The following ERMP1 variants were observed in gnomAD, a reference collection of about 807,000 sequenced individuals.
The protein encoded by ERMP1 is Felix-ina.
Under a neutral mutation model 92.0 loss-of-function variants are expected in ERMP1, and 86 were observed. The observed-to-expected ratio is 0.93, with a 90% CI of 0.79 to 1.12. The LOEUF (loss-of-function observed/expected upper bound fraction) is 1.12, where lower values mean the gene tolerates loss of function less well. ERMP1 is among the 50% of genes most tolerant of loss of function. ERMP1 has a pLI of 0.00. For synonymous variants in ERMP1, 530 were observed against 412.8 expected (o/e 1.28, Z -3.44); for missense variants, 1,342 against 1,116.3 (o/e 1.20, Z -2.88).
At chr9:5,842,069 G>C (rs939736322) in intron 6 of ERMP1, among the ~76,000 whole-genome samples, 1 of 152,168 alleles carries the variant, frequency 6.6e-6, no homozygotes, top group African/African-American at 2.4e-5. Flanking sequence ...AGGTAGTGCG[G>C]ACCCAAAGAG....
At chr9:5,789,198 C>G (rs1346244188) in intron 13 of ERMP1, among the ~76,000 whole-genome samples, 1 of 151,660 alleles carries the variant, frequency 6.6e-6, no homozygotes, top group African/African-American at 2.4e-5. Context: ...TAACACAGAA[C>G]AAACAACTTC....
In ERMP1 at chr9:5,811,175, G is replaced by A. The variant is rs1414778202; in HGVS notation, c.1263C>T (p.Asn421=). 1.2e-6 allele frequency: 2 copies of A among 1,614,020 alleles called. No homozygotes were observed. The highest frequency in any genetic ancestry group is 1.3e-5 in the African/African-American group (1 of 75,006). Residue 421 remains asparagine, a synonymous_variant, in exon 7 of 15, where the codon AAC becomes AAT. Coordinates refer to ENST00000339450, the MANE Select transcript of ERMP1 (RefSeq NM_024896.3). ...AAACAACACCCATTACCACCATGTAGTTTATGATTGAGCCAATACGAGAGG... is the reference window on the plus strand; with the variant it reads ...AAACAACACCCATTACCACCATGTAATTTATGATTGAGCCAATACGAGAGG... The part of the protein sequence containing the change: ...AYPSRIGSII[N]YMVVMGVVLY...
chr9:5,818,639 C>A (rs774786209), intron 4 of ERMP1, among the ~76,000 whole-genome samples: 3 of 151,530 alleles, frequency 2.0e-5, no homozygotes, highest in Non-Finnish European at 2.9e-5. Flanking sequence ...CACTTGAGCC[C>A]AGGAGCTGGA....
intron 6 of ERMP1, among the ~76,000 whole-genome samples, chr9:5,845,902 T>C (rs1260863371): frequency 6.6e-6 from 1 of 152,208 alleles, no homozygotes; most frequent in Admixed American, 6.5e-5. Context: ...GTAACTGTTG[T>C]TCAGGCCCTC....
At chr9:5,794,295 TAGA>T (rs1828323179) in intron 13 of ERMP1, among the ~76,000 whole-genome samples, 1 of 152,078 alleles carries the variant, frequency 6.6e-6, no homozygotes, top group Non-Finnish European at 1.5e-5. Context: ...AAGCAGTGCT[TAGA>T]AGGAAACTTA....
chr9:5,821,697 G>C (rs1347838071), intron 4 of ERMP1, among the ~76,000 whole-genome samples: 1 of 152,172 alleles, frequency 6.6e-6, no homozygotes, highest in Non-Finnish European at 1.5e-5. Context: ...TAAACCATAA[G>C]GCTGGTTTTT....
intron 6 of ERMP1, among the ~76,000 whole-genome samples, chr9:5,842,943 A>G (rs936271895): frequency 7.9e-5 from 12 of 152,252 alleles, no homozygotes; most frequent in African/African-American, 2.9e-4. Flanking sequence ...CATGATTCTA[A>G]TATCCTAGCC....
intron 6 of ERMP1, among the ~76,000 whole-genome samples, chr9:5,846,728 C>A (rs1285959788): frequency 2.6e-5 from 4 of 152,160 alleles, no homozygotes; most frequent in Admixed American, 6.5e-5. Flanking sequence ...ACTTTGCTAT[C>A]CCTGTGGTTC....
Position 5,785,936 on chromosome 9 carries a change from G to C in ERMP1, c.*1208C>G, listed in dbSNP as rs955617816. 2.6e-5 allele frequency: 4 copies of C among 152,166 alleles called. No individual in the cohort carries two copies. The East Asian group carries it at 7.7e-4, about 29-fold the overall frequency. The allele number at this position is 152,166 out of a possible 1,614,324, so 9.4% of individuals were successfully genotyped here. A position where few individuals can be genotyped will look rare whatever the true frequency, so the allele number is the denominator to read the frequency against. ...TGCTGGAACCAAAAAGCCATGAGAGGTACTGCTGTGATACACCTTACAAGC... is the reference window on the plus strand; with the variant it reads ...TGCTGGAACCAAAAAGCCATGAGAGCTACTGCTGTGATACACCTTACAAGC... On this transcript the variant is annotated 3_prime_UTR_variant, in exon 15 of 15. Transcript: ENST00000339450.
chr9:5,820,679 A>G (rs535019293), intron 4 of ERMP1, among the ~76,000 whole-genome samples: 4 of 152,342 alleles, frequency 2.6e-5, no homozygotes, highest in African/African-American at 9.6e-5. Flanking sequence ...CAGAGCACAA[A>G]CTGTTTAACC....
At chr9:5,825,254 T>A (rs767216425) in intron 2 of ERMP1, 35 bp from the exon 3 acceptor site, 1 of 1,595,058 alleles carries the variant, frequency 6.3e-7, no homozygotes, top group Non-Finnish European at 8.5e-7. Flanking sequence ...CTGCTCAGAT[T>A]TTAAAATGTT....
Position 5,833,097 on chromosome 9 carries a change from G to GACGCCGCCA in ERMP1, c.-71_-70insTGGCGGCGT. The GACGCCGCCA allele has an allele frequency of 7.6e-7, 1 of 1,324,100 alleles. No homozygotes were observed. The highest frequency in any genetic ancestry group is 9.8e-7 in the Non-Finnish European group (1 of 1,022,268). 82.0% of individuals were successfully genotyped at this position (1,324,100 alleles called of 1,614,324 possible). A position where few individuals can be genotyped will look rare whatever the true frequency, so the allele number is the denominator to read the frequency against. ...AGCCCCGGCCGCCGCCGACGCCGCC[G>GACGCCGCCA]TCGCTGCCGCAGCGCCTCCTAGTGA... On this transcript the variant is annotated 5_prime_UTR_variant, in exon 1 of 15. In the 5' UTR this introduces an upstream ATG that the reference lacks. Transcript: ENST00000339450.
At chr9:5,795,782 G>C (rs902400361) in intron 13 of ERMP1, among the ~76,000 whole-genome samples, 2 of 151,102 alleles carry the variant, frequency 1.3e-5, no homozygotes, top group African/African-American at 4.9e-5. Flanking sequence ...TCTCAAAAAA[G>C]AAAAAGAAAA....
rs1393251268 is a variant in ERMP1 at position 5,810,123 on chromosome 9, C to T, written c.1436G>A (p.Gly479Glu). 3 of 1,613,710 alleles carry T rather than the reference C, an allele frequency of 1.9e-6. No individual in the cohort carries two copies. The highest frequency in any genetic ancestry group is 2.7e-5 in the African/African-American group (2 of 74,882). ...LIIAVFISLI[G>E]QSLSWYNHFY... ...GTGGTTATACCATGAGAGAGACTGT[C>T]CAATAAGAGAGATGAACACTGCTAT... is the stretch of plus-strand genomic sequence containing the variant. Residue 479 changes from glycine (G) to glutamate (E), a missense_variant, in exon 8 of 15, where the codon GGA becomes GAA. Gly to Glu is a moderately conservative substitution (Grantham distance 98). Coordinates refer to ENST00000339450, the MANE Select transcript of ERMP1 (RefSeq NM_024896.3).
At chr9:5,852,444 T>C (rs527368161) in intron 6 of ERMP1, among the ~76,000 whole-genome samples, 2 of 152,048 alleles carry the variant, frequency 1.3e-5, no homozygotes, top group South Asian at 2.1e-4. Flanking sequence ...TTTGTAGAGA[T>C]GGTCTTTTGC....
At chr9:5,795,878 T>C (rs920222655) in intron 13 of ERMP1, among the ~76,000 whole-genome samples, 4 of 152,222 alleles carry the variant, frequency 2.6e-5, no homozygotes, top group African/African-American at 9.6e-5. Context: ...TAAGTGATTA[T>C]AGCAAGGCTG....
rs1183701730 is a variant in ERMP1 at position 5,812,955 on chromosome 9, A to C, written c.955T>G (p.Phe319Val). The part of the protein sequence containing the change: ...PFASVVAQEV[F>V]QSGIIPSDTD... ...TCTGAAGGAATGATTCCACTCTGAA[A>C]AACCTCCTGAGCCACCACAGAAGCA... The change falls in exon 5 of 15, where the codon TTT (phenylalanine) becomes GTT (valine). Residue 319 changes from phenylalanine (F) to valine (V), a missense_variant. Phe to Val is a conservative substitution (Grantham distance 50). Coordinates refer to ENST00000339450, the MANE Select transcript of ERMP1 (RefSeq NM_024896.3). 5 of 1,613,970 alleles carry C rather than the reference A, an allele frequency of 3.1e-6. No individual in the cohort carries two copies. In the East Asian group the frequency reaches 8.9e-5, roughly 29 times the overall value.
chr9:5,852,332 G>C (rs911819320), intron 6 of ERMP1, among the ~76,000 whole-genome samples: 4 of 151,130 alleles, frequency 2.6e-5, no homozygotes, highest in African/African-American at 9.7e-5. Flanking sequence ...GCATGATCAA[G>C]GCTCACTGCA....
At chr9:5,793,087 C>T (rs1828270106) in intron 13 of ERMP1, among the ~76,000 whole-genome samples, 1 of 152,036 alleles carries the variant, frequency 6.6e-6, no homozygotes, top group African/African-American at 2.4e-5. Flanking sequence ...TGCATATGTG[C>T]ACACACGCTT....
Sources: gnomAD v4.1 joint callset for allele counts (sites outside exome capture counted in the v4.1 genomes callset) on GRCh38, gnomAD v4.1.1 for gene constraint, MANE v1.5 for transcripts, NCBI Gene and HGNC (gene_info 2026-07-23, HGNC 2026-07-21) for gene names.